The following HECTD2 variants were observed in gnomAD, a reference collection of about 807,000 sequenced individuals.
HECTD2 encodes probable E3 ubiquitin-protein ligase HECTD2.
Under a neutral mutation model 103.2 loss-of-function variants are expected in HECTD2, and 35 were observed. The observed-to-expected ratio is 0.34, with a 90% CI of 0.26 to 0.45. The LOEUF (loss-of-function observed/expected upper bound fraction) is 0.45, where lower values mean the gene tolerates loss of function less well. Ranked by LOEUF, HECTD2 falls within the 20% of genes least tolerant of loss-of-function variation. The pLI, the probability that HECTD2 is intolerant of heterozygous loss-of-function variation, is 1.00. For missense variants in HECTD2, 596 were observed against 937.4 expected (o/e 0.64, Z 4.76); for synonymous variants, 281 against 329.9 (o/e 0.85, Z 1.61).
intron 2 of HECTD2, among the ~76,000 whole-genome samples, chr10:91,451,689 A>G (rs745431787): frequency 5.3e-5 from 8 of 152,112 alleles, no homozygotes; most frequent in East Asian, 1.9e-4. Flanking sequence ...TGTTTATACT[A>G]TCTTCTAATA....
chr10:91,500,287 G>T (rs951926803), intron 18 of HECTD2, among the ~76,000 whole-genome samples: 1 of 152,154 alleles, frequency 6.6e-6, no homozygotes, highest in Non-Finnish European at 1.5e-5. Context: ...CTGGCAAACG[G>T]CTAATTACTA....
At chr10:91,484,157 C>A in intron 8 of HECTD2, 1 of 550,258 alleles carries the variant, frequency 1.8e-6, no homozygotes, top group South Asian at 2.3e-5. Flanking sequence ...TTTCACATGT[C>A]CCCAAATGAC....
chr10:91,497,126 ATT>A (rs56923120), intron 15 of HECTD2, among the ~76,000 whole-genome samples: 8,211 of 97,056 alleles, frequency 0.085, 709 homozygotes, highest in African/African-American at 0.27. Context: ...TGCCCGGCAA[ATT>A]TTTTTTTTTT....
intron 20 of HECTD2, among the ~76,000 whole-genome samples, chr10:91,501,569 A>ATAAG (rs1846901058): frequency 1.3e-5 from 2 of 152,144 alleles, no homozygotes; most frequent in South Asian, 4.1e-4. Context: ...GCTAGGTCAT[A>ATAAG]TAAGTGCTTT....
At chr10:91,428,692 G>T (rs1589468394) in intron 2 of HECTD2, among the ~76,000 whole-genome samples, 1 of 151,764 alleles carries the variant, frequency 6.6e-6, no homozygotes, top group African/African-American at 2.4e-5. Flanking sequence ...TGTTATTGGT[G>T]TATAAGAATG....
At chr10:91,492,169 A>G (rs549667542) in intron 12 of HECTD2, among the ~76,000 whole-genome samples, 183 bp from the exon 13 acceptor site, 6 of 152,352 alleles carry the variant, frequency 3.9e-5, no homozygotes, top group African/African-American at 1.4e-4. Flanking sequence ...TTCCTGATCT[A>G]TAAGACATAG....
In HECTD2 at chr10:91,462,096, A is replaced by G; in HGVS notation, c.512A>G (p.Lys171Arg). ...TTAATTCTTAAATTGAATTTGCAGA[A>G]AGATGCCACTGCCTCATTTAACACC... is the stretch of plus-strand genomic sequence containing the variant. ...SFPELNAAFK[K>R]DATASFNTIE... Residue 171 changes from lysine to arginine, a missense_variant and splice_region_variant, in exon 5 of 21, where the codon AAA becomes AGA. Around this residue, in one of 4 missense-constraint regions of HECTD2, gnomAD observed 220 missense variants for 233.9 expected, o/e 0.94. Coordinates refer to ENST00000298068, the MANE Select transcript of HECTD2 (RefSeq NM_182765.6). The G allele has an allele frequency of 6.3e-7, 1 of 1,584,298 alleles. No individual in the cohort carries two copies. Among genetic ancestry groups the G allele is most frequent in the Non-Finnish European group, 8.6e-7 (1 of 1,158,290 alleles).
At chr10:91,430,287 C>G (rs1564703018) in intron 2 of HECTD2, among the ~76,000 whole-genome samples, 1 of 152,010 alleles carries the variant, frequency 6.6e-6, no homozygotes, top group Non-Finnish European at 1.5e-5. Flanking sequence ...CTGAGGAGAG[C>G]TTTACTTCCA....
intron 2 of HECTD2, among the ~76,000 whole-genome samples, chr10:91,458,415 TTGA>T (rs1357915591): frequency 6.6e-6 from 1 of 151,956 alleles, no homozygotes; most frequent in African/African-American, 2.4e-5. Flanking sequence ...TTTTTTGTTG[TTGA>T]TATAGATAAG....
At chr10:91,498,847 TA>T in intron 16 of HECTD2, 24 bp from the exon 17 acceptor site, 1 of 1,334,480 alleles carries the variant, frequency 7.5e-7, no homozygotes, top group African/African-American at 1.5e-5. Flanking sequence ...ACCATATTAA[TA>T]TGTGTAATGG....
intron 2 of HECTD2, among the ~76,000 whole-genome samples, chr10:91,455,557 G>A (rs1845050009): frequency 6.6e-6 from 1 of 152,080 alleles, no homozygotes; most frequent in Non-Finnish European, 1.5e-5. Flanking sequence ...CTTTTGCTGT[G>A]CAGAAGCTCT....
chr10:91,466,724 A>G (rs142330175), intron 5 of HECTD2, among the ~76,000 whole-genome samples: 10 of 152,306 alleles, frequency 6.6e-5, no homozygotes, highest in African/African-American at 2.4e-4. Flanking sequence ...AATGGTTACA[A>G]CAGCCAAAAA....
At chr10:91,468,939 C>CA (rs375935105) in intron 5 of HECTD2, among the ~76,000 whole-genome samples, 59,314 of 98,332 alleles carry the variant, frequency 0.6, 17,260 homozygotes, top group African/African-American at 0.78. Context: ...CTGTCTCACT[C>CA]AAAAAAAAAA....
rs200042250 is a variant in HECTD2, at chr10:91,496,383, A to C, written c.1680+11A>C. ...TGTCAAATTATGCCTGTAAGTATAA[A>C]GTTATTAATATCTTGTCCTTTAATG... is the stretch of plus-strand genomic sequence containing the variant. On this transcript the variant is annotated intron_variant, in intron 15 of 20. Coordinates refer to ENST00000298068, the MANE Select transcript of HECTD2 (RefSeq NM_182765.6). 7.1e-5 allele frequency: 112 copies of C among 1,584,450 alleles called. No homozygotes were observed. Among genetic ancestry groups the C allele is most frequent in the Non-Finnish European group, 9.5e-5 (110 of 1,158,492 alleles).
intron 15 of HECTD2, 37 bp downstream of exon 15, chr10:91,496,409 C>T (rs375926476): frequency 6.5e-5 from 95 of 1,472,808 alleles, no homozygotes; most frequent in Non-Finnish European, 8.4e-5. Context: ...TCCTTTAATG[C>T]GAAATCATCT....
At chr10:91,428,749 G>A (rs943742505) in intron 2 of HECTD2, among the ~76,000 whole-genome samples, 34 of 152,006 alleles carry the variant, frequency 2.2e-4, no homozygotes, top group Non-Finnish European at 3.4e-4. Context: ...CTTTGCTGAA[G>A]TTGCTTATCA....
intron 1 of HECTD2, among the ~76,000 whole-genome samples, chr10:91,417,305 T>G (rs543428454): frequency 6.6e-6 from 1 of 152,342 alleles, no homozygotes; most frequent in Admixed American, 6.5e-5. Flanking sequence ...AAAAACATTT[T>G]TTGAAATAAT....
At chr10:91,475,185 A>G (rs74992644) in intron 5 of HECTD2, among the ~76,000 whole-genome samples, 1,712 of 152,328 alleles carry the variant, frequency 0.011, 37 homozygotes, top group African/African-American at 0.039. Context: ...AATGGTCTGT[A>G]GTGTGTCAAG....
chr10:91,500,679 C>A, intron 19 of HECTD2, 62 bp downstream of exon 19: 1 of 772,164 alleles, frequency 1.3e-6, no homozygotes, highest in Non-Finnish European at 2.3e-6. Flanking sequence ...CAGTGTGGTT[C>A]ATTTATTTGC....
Sources: allele counts gnomAD v4.1 joint callset (sites outside exome capture counted in the v4.1 genomes callset), GRCh38; gene constraint gnomAD v4.1.1; regional missense constraint gnomAD v4.1.1; transcripts MANE v1.5; gene names NCBI Gene and HGNC (gene_info 2026-07-23, HGNC 2026-07-21).